LCMT1: variants seen among roughly 807,000 people sequenced by gnomAD.
LCMT1 encodes [Phosphatase 2A protein]-leucine-carboxy methyltransferase 1.
LCMT1 carries 32 observed loss-of-function variants against 47.7 expected under a neutral mutation model. The ratio of observed to expected loss-of-function variants is 0.67; its 90% CI spans 0.51 to 0.90. The LOEUF (loss-of-function observed/expected upper bound fraction) is 0.90, where lower values mean the gene tolerates loss of function less well. Ranked by LOEUF, LCMT1 falls within the 40% of genes least tolerant of loss-of-function variation. The probability of loss-of-function intolerance (pLI) is 0.00; values close to 1 mark genes in which losing one functional copy is unlikely to be tolerated. For missense variants in LCMT1, 375 were observed against 415.2 expected, an observed-to-expected ratio of 0.90 and a Z score of 0.84; for synonymous variants, 152 against 149.7, an observed-to-expected ratio of 1.02 and a Z score of -0.11.
intron 3 of LCMT1, among the ~76,000 whole-genome samples, chr16:25,139,886 C>T (rs948619222): frequency 3.3e-5 from 5 of 152,158 alleles, no homozygotes; most frequent in Non-Finnish European, 7.4e-5. Flanking sequence ...CACCTCTCAG[C>T]TCCTCCCCAT....
intron 10 of LCMT1, among the ~76,000 whole-genome samples, chr16:25,176,840 G>T (rs1961960609): frequency 1.3e-5 from 2 of 150,988 alleles, no homozygotes; most frequent in Non-Finnish European, 3.0e-5. Flanking sequence ...GGGATTATAG[G>T]CATGAGCCAT....
intron 2 of LCMT1, among the ~76,000 whole-genome samples, chr16:25,131,904 C>T (rs534337052): frequency 6.6e-6 from 1 of 152,260 alleles, no homozygotes; most frequent in African/African-American, 2.4e-5. Flanking sequence ...TCTCTGCGAC[C>T]CCCATTTTAC....
chr16:25,112,121 G>C (rs1185371513), intron 1 of LCMT1, 125 bp downstream of exon 1: 3 of 718,074 alleles, frequency 4.2e-6, no homozygotes, highest in Non-Finnish European at 5.0e-6. Flanking sequence ...CACGACCCTC[G>C]CTTCCCACCT....
At chr16:25,132,374 T>C in intron 2 of LCMT1, 28 bp from the exon 3 acceptor site, 3 of 1,612,318 alleles carry the variant, frequency 1.9e-6, no homozygotes, top group Non-Finnish European at 1.7e-6. Flanking sequence ...GGGTGATAGC[T>C]TGTTTCTGTG....
chr16:25,167,321 T>C (rs1040832139), intron 7 of LCMT1, among the ~76,000 whole-genome samples: 5 of 151,650 alleles, frequency 3.3e-5, no homozygotes, highest in African/African-American at 9.7e-5. Flanking sequence ...TTTTTTTTGG[T>C]CTTTTTTTTT....
intron 4 of LCMT1, chr16:25,141,538 G>A (rs970410213): frequency 7.9e-5 from 12 of 151,928 alleles, no homozygotes; most frequent in African/African-American, 2.9e-4. Flanking sequence ...TTGTAATTTT[G>A]TAGAGATGGG....
intron 5 of LCMT1, among the ~76,000 whole-genome samples, chr16:25,159,462 T>C (rs1037339202): frequency 2.0e-5 from 3 of 152,194 alleles, no homozygotes; most frequent in Non-Finnish European, 4.4e-5. Context: ...ACAGACAGTC[T>C]TGCTGTGTTG....
At position 25,112,013 on chromosome 16, in the gene LCMT1, G is replaced by A. The variant is rs762998467; in HGVS notation, c.113+17G>A. On this transcript the variant is annotated intron_variant, in intron 1 of 10. Coordinates refer to ENST00000399069, the MANE Select transcript of LCMT1 (RefSeq NM_016309.3). The stretch of plus-strand genomic sequence containing the variant: ...GTGCAAGAGGTGCCTGTCGGGCGCG[G>A]GGTTCGGGGCCGGCATCTGGGGCGC... 2 of 1,581,340 alleles carry A rather than the reference G, an allele frequency of 1.3e-6. No homozygotes were observed. Among genetic ancestry groups the A allele is most frequent in the South Asian group, 2.2e-5 (2 of 90,098 alleles).
In LCMT1 at chr16:25,155,964, G is replaced by A. The variant is rs914879291; in HGVS notation, c.466+4349G>A. On this transcript the variant is annotated intron_variant, in intron 5 of 10. Transcript: ENST00000399069. ...CTCAGTGTTGGGATTAAGGGCGTGA[G>A]CCCCCGCACCTGCTCCTGATTTTCC... Among the ~76,000 whole-genome samples, 6 of 152,150 alleles carry A rather than the reference G, an allele frequency of 3.9e-5. No individual in the cohort carries two copies. In the East Asian group the frequency reaches 9.6e-4, roughly 24 times the overall value.
At chr16:25,160,986 A>ATTTTT (rs11408755) in intron 5 of LCMT1, 116 bp from the exon 6 acceptor site, 3 of 505,676 alleles carry the variant, frequency 5.9e-6, no homozygotes, top group African/African-American at 2.0e-5. Flanking sequence ...CCTCTTACGT[A>ATTTTT]TTTTTTTTTT....
At chr16:25,136,090 CAAAAAAAAAA>C (rs36051960) in intron 3 of LCMT1, among the ~76,000 whole-genome samples, 1 of 69,178 alleles carries the variant, frequency 1.4e-5, no homozygotes, top group Admixed American at 1.6e-4. Context: ...GATGCTGTCT[CAAAAAAAAAA>C]AAAAAAAAAA....
chr16:25,143,997 T>G (rs946291182), intron 4 of LCMT1: 1 of 152,232 alleles, frequency 6.6e-6, no homozygotes, highest in East Asian at 1.9e-4. Context: ...GGGTCTGTCA[T>G]TAAGGCCAAC....
chr16:25,164,280 A>G (rs1265821869), intron 6 of LCMT1, among the ~76,000 whole-genome samples: 1 of 152,112 alleles, frequency 6.6e-6, no homozygotes, highest in Non-Finnish European at 1.5e-5. Flanking sequence ...CAAATGGGGG[A>G]AGCTGCATTG....
intron 8 of LCMT1, among the ~76,000 whole-genome samples, chr16:25,170,108 T>C (rs1027062209): frequency 3.9e-5 from 6 of 152,060 alleles, no homozygotes; most frequent in African/African-American, 1.4e-4. Flanking sequence ...TAATCCCAGC[T>C]ACTTGGGAGA....
intron 3 of LCMT1, among the ~76,000 whole-genome samples, chr16:25,138,523 G>T (rs574153052): frequency 6.6e-6 from 1 of 151,522 alleles, no homozygotes; most frequent in Non-Finnish European, 1.5e-5. Flanking sequence ...GCATGTGCGT[G>T]TGTGTGTGTG....
At chr16:25,118,835 C>T (rs759267536) in intron 1 of LCMT1, among the ~76,000 whole-genome samples, 26 of 152,114 alleles carry the variant, frequency 1.7e-4, no homozygotes, top group East Asian at 7.8e-4. Context: ...GGATAGATCT[C>T]GGAGAGCATG....
intron 1 of LCMT1, among the ~76,000 whole-genome samples, chr16:25,117,118 T>C (rs777011837): frequency 6.6e-6 from 1 of 152,162 alleles, no homozygotes; most frequent in Admixed American, 6.5e-5. Flanking sequence ...AGAACTGATA[T>C]GATCTTGGTT....
rs117367808 is a variant in LCMT1 at position 25,136,892 on chromosome 16, G to C, written c.328-3279G>C. On this transcript the variant is annotated intron_variant, in intron 3 of 10. Transcript: ENST00000399069. ...GCCTTTTGTAAGCTTTCTCTGCTCT[G>C]ACTTCTTATTCAGAAGTTTTACAAG... Among the ~76,000 whole-genome samples, 34 of 152,218 alleles carry C rather than the reference G, an allele frequency of 2.2e-4. No homozygotes were observed. The East Asian group carries it at 6.0e-3, about 27-fold the overall frequency.
chr16:25,148,433 C>T (rs1337848831), intron 4 of LCMT1, among the ~76,000 whole-genome samples: 1 of 152,148 alleles, frequency 6.6e-6, no homozygotes, highest in East Asian at 1.9e-4. Flanking sequence ...GCTTCCCTTC[C>T]CAACAGGTGT....
Sources: gnomAD v4.1 joint callset for allele counts (sites outside exome capture counted in the v4.1 genomes callset) on GRCh38, gnomAD v4.1.1 for gene constraint, MANE v1.5 for transcripts, NCBI Gene and HGNC (gene_info 2026-07-23, HGNC 2026-07-21) for gene names.